The following PPP1R12A variants were observed in gnomAD, a reference collection of about 807,000 sequenced individuals.
PPP1R12A encodes the protein myosin binding subunit.
In PPP1R12A, 19 loss-of-function variants were observed where a neutral mutation model predicts 139.6. The ratio of observed to expected loss-of-function variants is 0.14; its 90% CI spans 0.09 to 0.20. PPP1R12A has a LOEUF of 0.20. PPP1R12A is among the 10% of genes least tolerant of loss of function. PPP1R12A has a pLI of 1.00. For synonymous variants in PPP1R12A, 427 were observed against 420.6 expected (o/e 1.02, Z -0.19); for missense variants, 925 against 1,211.5 (o/e 0.76, Z 3.51).
At chr12:79,909,621 G>C (rs1886398350) in intron 1 of PPP1R12A, among the ~76,000 whole-genome samples, 1 of 151,774 alleles carries the variant, frequency 6.6e-6, no homozygotes. Context: ...TGTAGTCCCA[G>C]CTACTCAGGA....
intron 22 of PPP1R12A, 113 bp downstream of exon 22, chr12:79,786,261 T>C (rs1871114795): frequency 3.2e-6 from 2 of 624,122 alleles, no homozygotes; most frequent in East Asian, 6.5e-5. Context: ...TTATCTTCTA[T>C]TACCAATTAT....
intron 22 of PPP1R12A, among the ~76,000 whole-genome samples, chr12:79,782,791 T>C (rs943925220): frequency 6.6e-6 from 1 of 152,172 alleles, no homozygotes; most frequent in Non-Finnish European, 1.5e-5. Flanking sequence ...TTACCAAAAA[T>C]GGTTTTTGAC....
chr12:79,808,367 T>C, intron 11 of PPP1R12A, 116 bp downstream of exon 11: 1 of 698,316 alleles, frequency 1.4e-6, no homozygotes, highest in African/African-American at 1.8e-5. Flanking sequence ...AGGAATATCC[T>C]CCATCTCTTC....
chr12:79,925,777 C>T (rs1256758282), intron 1 of PPP1R12A, among the ~76,000 whole-genome samples: 1 of 151,792 alleles, frequency 6.6e-6, no homozygotes. Context: ...CAAAGATAAA[C>T]AACCAAAACA....
Position 79,775,259 on chromosome 12 carries a change from C to T in PPP1R12A, c.*670G>A, listed in dbSNP as rs1592592918. On this transcript the variant is annotated 3_prime_UTR_variant, in exon 25 of 25. Coordinates refer to ENST00000450142, the MANE Select transcript of PPP1R12A (RefSeq NM_002480.3). ...AAAGCATTCATATAAGAAATAAATG[C>T]ATATTGCACAAACAGTGAAAGCATA... 6.6e-6 allele frequency: 1 copy of T among 152,446 alleles called. No homozygotes were observed. Among genetic ancestry groups the T allele is most frequent in the African/African-American group, 2.4e-5 (1 of 41,408 alleles). 9.4% of individuals were successfully genotyped at this position (152,446 alleles called of 1,614,324 possible). A position where few individuals can be genotyped will look rare whatever the true frequency, so the allele number is the denominator to read the frequency against.
chr12:79,876,660 A>C (rs559620101), intron 1 of PPP1R12A, among the ~76,000 whole-genome samples: 2 of 152,206 alleles, frequency 1.3e-5, no homozygotes, highest in Non-Finnish European at 2.9e-5. Context: ...ATTTTCCTTA[A>C]CTACCATAGA....
chr12:79,794,027 A>G, intron 18 of PPP1R12A, 99 bp from the exon 19 acceptor site: 1 of 800,488 alleles, frequency 1.2e-6, no homozygotes, highest in East Asian at 2.9e-5. Flanking sequence ...CTCTCAGAAT[A>G]TACATTGAGA....
intron 1 of PPP1R12A, among the ~76,000 whole-genome samples, chr12:79,873,511 A>AC (rs1269211268): frequency 6.6e-6 from 1 of 151,432 alleles, no homozygotes; most frequent in Non-Finnish European, 1.5e-5. Context: ...AAAAAAAAAA[A>AC]AAAACATTGC....
intron 1 of PPP1R12A, among the ~76,000 whole-genome samples, chr12:79,905,337 C>CCG (rs1555244661): frequency 2.2e-5 from 1 of 46,344 alleles, no homozygotes; most frequent in African/African-American, 3.8e-5. Flanking sequence ...TTTTGTTTTG[C>CCG]CGCCCCCCCC....
At chr12:79,922,612 T>C (rs1264851410) in intron 1 of PPP1R12A, among the ~76,000 whole-genome samples, 1 of 152,142 alleles carries the variant, frequency 6.6e-6, no homozygotes, top group East Asian at 1.9e-4. Context: ...CCTCAGGTTC[T>C]CACTCATAAG....
intron 2 of PPP1R12A, among the ~76,000 whole-genome samples, chr12:79,870,108 C>G (rs1373608594): frequency 6.6e-6 from 1 of 151,358 alleles, no homozygotes; most frequent in African/African-American, 2.4e-5. Flanking sequence ...GTATTTTTTT[C>G]TTTTTTTGAA....
intron 1 of PPP1R12A, among the ~76,000 whole-genome samples, chr12:79,899,404 G>A (rs1282822481): frequency 6.6e-6 from 1 of 151,900 alleles, no homozygotes; most frequent in Admixed American, 6.6e-5. Flanking sequence ...CCCATTCAGA[G>A]TCAACTACTG....
At chr12:79,896,831 A>G (rs550583110) in intron 1 of PPP1R12A, among the ~76,000 whole-genome samples, 2 of 152,334 alleles carry the variant, frequency 1.3e-5, no homozygotes, top group South Asian at 4.1e-4. Flanking sequence ...TGCAACTGAA[A>G]TCAAGAAGGA....
At chr12:79,924,062 TA>T (rs1887649840) in intron 1 of PPP1R12A, among the ~76,000 whole-genome samples, 1 of 150,998 alleles carries the variant, frequency 6.6e-6, no homozygotes, top group African/African-American at 2.4e-5. Flanking sequence ...AAATAAAATT[TA>T]AAAAAAAGGA....
At chr12:79,883,927 A>C (rs1307537983) in intron 1 of PPP1R12A, among the ~76,000 whole-genome samples, 2 of 152,208 alleles carry the variant, frequency 1.3e-5, no homozygotes, top group Non-Finnish European at 2.9e-5. Context: ...ATATGGTAAG[A>C]CAATTTCAGA....
At chr12:79,913,601 T>C (rs200080293) in intron 1 of PPP1R12A, among the ~76,000 whole-genome samples, 1 of 152,198 alleles carries the variant, frequency 6.6e-6, no homozygotes, top group Admixed American at 6.5e-5. Flanking sequence ...TTAATGTCCA[T>C]CAGAGTCGGT....
intron 1 of PPP1R12A, among the ~76,000 whole-genome samples, chr12:79,886,476 G>T (rs1884116762): frequency 6.6e-6 from 1 of 152,112 alleles, no homozygotes; most frequent in Non-Finnish European, 1.5e-5. Context: ...ATATTCAAAT[G>T]AGATTCAAAT....
chr12:79,785,173 A>C (rs989852377), intron 22 of PPP1R12A, among the ~76,000 whole-genome samples: 3 of 152,226 alleles, frequency 2.0e-5, no homozygotes, highest in African/African-American at 4.8e-5. Context: ...TAGTAGTTTT[A>C]ATGTGTATGA....
At chr12:79,863,901 T>C (rs1881659325) in intron 2 of PPP1R12A, among the ~76,000 whole-genome samples, 1 of 152,078 alleles carries the variant, frequency 6.6e-6, no homozygotes, top group Admixed American at 6.6e-5. Context: ...GAGACTTTAA[T>C]ACCCCACTGT....
Sources: gnomAD v4.1 joint callset for allele counts (sites outside exome capture counted in the v4.1 genomes callset) on GRCh38, gnomAD v4.1.1 for gene constraint, MANE v1.5 for transcripts, NCBI Gene and HGNC (gene_info 2026-07-23, HGNC 2026-07-21) for gene names.